Variants in RIMBP2 observed in about 807,000 individuals in gnomAD.
RIMBP2 encodes the protein RIMS-binding protein 2.
A neutral mutation model predicts 118.6 loss-of-function variants in RIMBP2; 48 were observed. The observed-to-expected ratio is 0.40, with a 90% confidence interval of 0.32 to 0.51. RIMBP2 has a LOEUF of 0.51. RIMBP2 is among the 20% of genes least tolerant of loss of function. The pLI is 0.41. For missense variants in RIMBP2, 1,551 were observed against 1,768.3 expected, an observed-to-expected ratio of 0.88 and a Z score of 2.20; for synonymous variants, 762 against 742.9, an observed-to-expected ratio of 1.03 and a Z score of -0.42.
In RIMBP2 at chr12:130,445,386, A is replaced by G; in HGVS notation, c.582-117T>C. 4.6e-6 allele frequency: 3 copies of G among 651,952 alleles called. 1 individual carries two copies. Among genetic ancestry groups the G allele is most frequent in the Non-Finnish European group, 7.9e-6 (3 of 380,990 alleles). 40.4% of individuals were successfully genotyped at this position (651,952 alleles called of 1,614,324 possible). ...CTCTCCCACTCCTAGGGAATTACAA[A>G]CCCACATAATCGTTCGGGGCTGATG... On this transcript the variant is annotated intron_variant, in intron 9 of 22. Transcript: ENST00000690449.
intron 1 of RIMBP2, among the ~76,000 whole-genome samples, chr12:130,661,177 A>C (rs7964895): frequency 2.6e-5 from 4 of 151,994 alleles, no homozygotes; most frequent in African/African-American, 9.7e-5. Context: ...GGTGGCAAGG[A>C]CACCTAGCTT....
chr12:130,512,020 G>A (rs890100264), intron 3 of RIMBP2, among the ~76,000 whole-genome samples: 1 of 152,188 alleles, frequency 6.6e-6, no homozygotes, highest in Non-Finnish European at 1.5e-5. Flanking sequence ...GATAAACCTG[G>A]AGAAGGGGGC....
rs1489592648 is a variant in RIMBP2, at chr12:130,511,859, G to A, written c.-126-5089C>T. On this transcript the variant is annotated intron_variant, in intron 3 of 22. Transcript: ENST00000690449. This position sits in a 1 kb window ranked among gnomAD's most constrained non-coding sequence, Gnocchi z 4.3. ...GCCACCCTCCACACACGTCTCTGCT[G>A]GACAGGAGCCCCTGGGCCCTGGCTC... 6.6e-6 allele frequency among the ~76,000 whole-genome samples: 1 copy of A among 152,080 alleles called. No individual in the cohort carries two copies. The highest frequency in any genetic ancestry group is 1.5e-5 in the Non-Finnish European group (1 of 68,014).
At chr12:130,572,910 G>A (rs547579541) in intron 2 of RIMBP2, among the ~76,000 whole-genome samples, 38 of 152,260 alleles carry the variant, frequency 2.5e-4, no homozygotes, top group African/African-American at 8.9e-4. Flanking sequence ...GAGGGCTGTG[G>A]GAGCTGTGAG....
Position 130,511,342 on chromosome 12 carries a change from G to A in RIMBP2, c.-126-4572C>T, listed in dbSNP as rs1399226901. Among the ~76,000 whole-genome samples the A allele has an allele frequency of 6.6e-6, 1 of 152,206 alleles. No individual in the cohort carries two copies. Among genetic ancestry groups the A allele is most frequent in the East Asian group, 1.9e-4 (1 of 5,192 alleles). On this transcript the variant is annotated intron_variant, in intron 3 of 22. Transcript: ENST00000690449. The surrounding 1 kb of genome is among the most constrained non-coding windows in gnomAD (Gnocchi z 4.3). Reference sequence around the variant, plus strand: ...GTGAGACACGGTGGTGTGTGTGCTTGTAGGAATTTGTCACAGCAGCAATAG... The same window carrying A: ...GTGAGACACGGTGGTGTGTGTGCTTATAGGAATTTGTCACAGCAGCAATAG...
intron 4 of RIMBP2, among the ~76,000 whole-genome samples, chr12:130,499,263 T>C (rs964491916): frequency 2.0e-5 from 3 of 152,148 alleles, no homozygotes; most frequent in African/African-American, 7.2e-5. Context: ...CAATTCAACA[T>C]GAGATTTGGG....
At chr12:130,451,799 C>T (rs1005936112) in intron 7 of RIMBP2, among the ~76,000 whole-genome samples, 1 of 152,194 alleles carries the variant, frequency 6.6e-6, no homozygotes, top group African/African-American at 2.4e-5. Flanking sequence ...TTCAAGATGT[C>T]CCTGAAGCCA....
chr12:130,708,464 G>A (rs192375287), intron 1 of RIMBP2, among the ~76,000 whole-genome samples: 85 of 152,264 alleles, frequency 5.6e-4, no homozygotes, highest in African/African-American at 1.1e-3. Flanking sequence ...GAGGCAGGAG[G>A]ATCGCTTGAG....
At chr12:130,459,673 G>T (rs1023304820) in intron 6 of RIMBP2, among the ~76,000 whole-genome samples, 2 of 152,132 alleles carry the variant, frequency 1.3e-5, no homozygotes, top group East Asian at 3.9e-4. Context: ...TGCAGGCTGC[G>T]GGCTGCCTGC....
In RIMBP2 at chr12:130,714,244, A is replaced by C. The variant is rs568603717; in HGVS notation, c.-352+1978T>G. Among the ~76,000 whole-genome samples, 4 of 152,354 alleles carry C rather than the reference A, an allele frequency of 2.6e-5. No homozygotes were observed. In the South Asian group the frequency reaches 8.3e-4, roughly 32 times the overall value. On this transcript the variant is annotated intron_variant, in intron 1 of 22. Transcript: ENST00000690449. ...GGTCTCTTCCAGGCGCCAACAGTGC[A>C]TGGGGCCAAAGAGATGAAACTGAAA...
intron 1 of RIMBP2, among the ~76,000 whole-genome samples, chr12:130,671,189 CA>C (rs11458331): frequency 2.6e-5 from 4 of 151,462 alleles, no homozygotes; most frequent in Admixed American, 1.3e-4. Flanking sequence ...CTTGAGGGGG[CA>C]AAAAAAATAA....
chr12:130,558,136 C>A (rs2056521693), intron 2 of RIMBP2, among the ~76,000 whole-genome samples: 1 of 152,094 alleles, frequency 6.6e-6, no homozygotes, highest in Non-Finnish European at 1.5e-5. Flanking sequence ...ATTCTATTCA[C>A]CCAGGAATGA....
chr12:130,693,138 T>C (rs1315083413), intron 1 of RIMBP2, among the ~76,000 whole-genome samples: 2 of 152,160 alleles, frequency 1.3e-5, no homozygotes, highest in African/African-American at 4.8e-5. Context: ...CATACTCCTA[T>C]GGGAGCATTT....
At chr12:130,512,332 T>C (rs1374789669) in intron 3 of RIMBP2, among the ~76,000 whole-genome samples, 2 of 151,594 alleles carry the variant, frequency 1.3e-5, no homozygotes, top group African/African-American at 2.4e-5. Context: ...TTGCTTTCTT[T>C]TTTTTTTCTT....
intron 1 of RIMBP2, chr12:130,667,864 G>C (rs376230785): frequency 9.8e-4 from 149 of 152,286 alleles, no homozygotes; most frequent in African/African-American, 3.4e-3. Flanking sequence ...GGGTGGTGCC[G>C]TGTCCTGAGG....
chr12:130,643,838 T>C (rs1352959862), intron 1 of RIMBP2, among the ~76,000 whole-genome samples: 1 of 150,006 alleles, frequency 6.7e-6, no homozygotes, highest in Non-Finnish European at 1.5e-5. Flanking sequence ...CTCATGAGAG[T>C]GAAAGAGAAC....
chr12:130,459,475 C>T (rs1237604102), intron 6 of RIMBP2, among the ~76,000 whole-genome samples: 1 of 151,672 alleles, frequency 6.6e-6, no homozygotes, highest in African/African-American at 2.4e-5. Flanking sequence ...TTCCCGTGAC[C>T]CTAAAATTAC....
chr12:130,651,048 G>A (rs2063214491), intron 1 of RIMBP2, among the ~76,000 whole-genome samples: 1 of 151,628 alleles, frequency 6.6e-6, no homozygotes, highest in Admixed American at 6.6e-5. Flanking sequence ...GAAAGCTTCC[G>A]AGCCACTTAT....
intron 6 of RIMBP2, among the ~76,000 whole-genome samples, chr12:130,459,757 T>C (rs1212407868): frequency 1.3e-5 from 2 of 150,110 alleles, no homozygotes; most frequent in Non-Finnish European, 3.0e-5. Flanking sequence ...CATGGTTCCA[T>C]GGGACTCCCA....
Sources: allele counts gnomAD v4.1 joint callset (sites outside exome capture counted in the v4.1 genomes callset), GRCh38; gene constraint gnomAD v4.1.1; non-coding constraint Gnocchi (gnomAD v3.1); transcripts MANE v1.5; gene names NCBI Gene and HGNC (gene_info 2026-07-23, HGNC 2026-07-21).